The following CDKAL1 variants were observed in gnomAD, a reference collection of about 807,000 sequenced individuals.
CDKAL1 encodes the protein CDKAL1 threonylcarbamoyladenosine tRNA methylthiotransferase.
CDKAL1 carries 32 observed loss-of-function variants against 68.2 expected under a neutral mutation model. The observed-to-expected ratio is 0.47, with a 90% confidence interval of 0.35 to 0.63. The LOEUF is 0.63. CDKAL1 is among the 30% of genes least tolerant of loss of function. CDKAL1 has a pLI of 0.00. For missense variants in CDKAL1, 606 were observed against 696.7 expected (o/e 0.87, Z 1.47); for synonymous variants, 234 against 244.3 (o/e 0.96, Z 0.39).
rs570860610 is a variant in CDKAL1, at chr6:20,668,436, A to G, written c.371+19059A>G. ...AGCCTTGAAATCCTGGGCTAAAGCC[A>G]TCTTTCTGCCTCAGCCTCCTGAGTA... On this transcript the variant is annotated intron_variant, in intron 5 of 15. Coordinates refer to ENST00000274695, the MANE Select transcript of CDKAL1 (RefSeq NM_017774.3). Among the ~76,000 whole-genome samples the G allele has an allele frequency of 3.3e-5, 5 of 152,302 alleles. No homozygotes were observed. The East Asian group carries it at 9.7e-4, about 29-fold the overall frequency.
chr6:20,798,596 A>G (rs188695494), intron 8 of CDKAL1, among the ~76,000 whole-genome samples: 57 of 152,286 alleles, frequency 3.7e-4, no homozygotes, highest in African/African-American at 1.3e-3. Flanking sequence ...AAAAATGATG[A>G]GTTCACATCC....
chr6:20,734,126 G>T (rs1773078438), intron 5 of CDKAL1, among the ~76,000 whole-genome samples: 1 of 149,102 alleles, frequency 6.7e-6, no homozygotes, highest in African/African-American at 2.5e-5. Context: ...TCCAACCTGG[G>T]CATCAGAGCG....
rs1452623392 is a variant in CDKAL1 at position 21,178,938 on chromosome 6, C to T, written c.1300-19083C>T. On this transcript the variant is annotated intron_variant, in intron 13 of 15. Coordinates refer to ENST00000274695, the MANE Select transcript of CDKAL1 (RefSeq NM_017774.3). ...TACACAGCTTAGGAAATAATTACAG[C>T]CTGCCACAATTTTTCTTAATTTTTA... Among the ~76,000 whole-genome samples, 3 of 152,214 alleles carry T rather than the reference C, an allele frequency of 2.0e-5. No homozygotes were observed. In the East Asian group the frequency reaches 5.8e-4, roughly 29 times the overall value.
At chr6:20,608,353 TCTA>T (rs1766426599) in intron 4 of CDKAL1, among the ~76,000 whole-genome samples, 1 of 152,216 alleles carries the variant, frequency 6.6e-6, no homozygotes. Context: ...AAATTGAAAA[TCTA>T]CTACTTTTTA....
At chr6:21,190,134 A>G (rs982695983) in intron 13 of CDKAL1, among the ~76,000 whole-genome samples, 3 of 148,612 alleles carry the variant, frequency 2.0e-5, no homozygotes, top group Non-Finnish European at 3.0e-5. Flanking sequence ...TTAGGGGGGA[A>G]AAAAAAAAAC....
intron 8 of CDKAL1, among the ~76,000 whole-genome samples, chr6:20,795,631 TCAC>T (rs1175488744): frequency 6.6e-6 from 1 of 152,204 alleles, no homozygotes; most frequent in Non-Finnish European, 1.5e-5. Flanking sequence ...TTCTTTTACT[TCAC>T]ATTTTCTTAG....
chr6:20,998,769 G>A (rs73379540), intron 10 of CDKAL1, among the ~76,000 whole-genome samples: 5,156 of 152,224 alleles, frequency 0.034, 262 homozygotes, highest in African/African-American at 0.11. Flanking sequence ...GGTTAATAAG[G>A]TATATACCTA....
Position 20,561,446 on chromosome 6 carries a change from G to GAAAAAAAAAAAAAAAAAA in CDKAL1, c.286+12749_286+12766dup, listed in dbSNP as rs55750789. ...GACAGAGCAAGACCATCTCAAAAAAGAAAAAAAAAAAAAAAAAAAAAAAAA... is the reference window on the plus strand; with the variant it reads ...GACAGAGCAAGACCATCTCAAAAAAGAAAAAAAAAAAAAAAAAAAAAAAAAAAAAAAAAAAAAAAAAAA... On this transcript the variant is annotated intron_variant, in intron 4 of 15. Coordinates refer to ENST00000274695, the MANE Select transcript of CDKAL1 (RefSeq NM_017774.3). 1.6e-4 allele frequency among the ~76,000 whole-genome samples: 13 copies of GAAAAAAAAAAAAAAAAAA among 79,650 alleles called. 2 individuals carry two copies. The highest frequency in any genetic ancestry group is 1.6e-4 in the Non-Finnish European group (7 of 43,232). The allele number at this position is 79,650 out of a possible 152,430, so 52.3% of individuals were successfully genotyped here.
In CDKAL1 at chr6:20,976,325, A is replaced by G. The variant is rs1161265376; in HGVS notation, c.909+20740A>G. ...TTAAAATGTATTCTTTGTTAAGTGA[A>G]GTGATGTTTACAAAGGGGGTAAATA... On this transcript the variant is annotated intron_variant, in intron 10 of 15. Transcript: ENST00000274695. 2.6e-5 allele frequency among the ~76,000 whole-genome samples: 4 copies of G among 152,134 alleles called. No individual in the cohort carries two copies. The South Asian group carries it at 6.2e-4, about 24-fold the overall frequency.
At chr6:20,859,235 T>C (rs573924237) in intron 9 of CDKAL1, among the ~76,000 whole-genome samples, 1 of 151,914 alleles carries the variant, frequency 6.6e-6, no homozygotes, top group Non-Finnish European at 1.5e-5. Context: ...ATAAATGGTG[T>C]TCGCTGCACT....
chr6:21,147,144 C>T (rs967659035), intron 13 of CDKAL1, among the ~76,000 whole-genome samples: 1 of 152,134 alleles, frequency 6.6e-6, no homozygotes, highest in African/African-American at 2.4e-5. Flanking sequence ...GTGCAAGCAT[C>T]ACCAAGTCCA....
chr6:21,082,336 T>C (rs1161418302), intron 12 of CDKAL1, among the ~76,000 whole-genome samples: 2 of 152,252 alleles, frequency 1.3e-5, no homozygotes, highest in African/African-American at 2.4e-5. Context: ...AAACATAGTC[T>C]ATGCTTTTCA....
chr6:20,813,339 T>A (rs1266256834), intron 8 of CDKAL1, among the ~76,000 whole-genome samples: 1 of 152,216 alleles, frequency 6.6e-6, no homozygotes, highest in Non-Finnish European at 1.5e-5. Context: ...GGATTTCTTT[T>A]ATATGCTAGA....
chr6:21,139,555 G>C (rs1775797703), intron 13 of CDKAL1, among the ~76,000 whole-genome samples: 1 of 152,030 alleles, frequency 6.6e-6, no homozygotes. Context: ...CTGTCTCTCA[G>C]GCTGGAGTGC....
At chr6:21,069,774 CTTTTT>C (rs60241965) in intron 12 of CDKAL1, among the ~76,000 whole-genome samples, 17 of 69,920 alleles carry the variant, frequency 2.4e-4, no homozygotes, top group African/African-American at 8.8e-4. Context: ...GATTTTCTTT[CTTTTT>C]TTTTTTTTTT....
At position 21,020,431 on chromosome 6, in the gene CDKAL1, G is replaced by A. The variant is rs1159414167; in HGVS notation, c.1055+20059G>A. ...CTCTGTTAGAGTTCACAGGTTCACA[G>A]GTACTATTACGTACTTCTGTCTTTT... is the stretch of plus-strand genomic sequence containing the variant. On this transcript the variant is annotated intron_variant, in intron 11 of 15. Coordinates refer to ENST00000274695, the MANE Select transcript of CDKAL1 (RefSeq NM_017774.3). Among the ~76,000 whole-genome samples, 3 of 151,984 alleles carry A rather than the reference G, an allele frequency of 2.0e-5. 1 individual carries two copies. The highest frequency in any genetic ancestry group is 7.2e-5 in the African/African-American group (3 of 41,392).
rs559756502 is a variant in CDKAL1 at position 20,612,654 on chromosome 6, G to A, written c.287-36639G>A. Among the ~76,000 whole-genome samples, 63 of 152,020 alleles carry A rather than the reference G, an allele frequency of 4.1e-4. 1 individual carries two copies. The highest frequency in any genetic ancestry group is 1.5e-3 in the African/African-American group (62 of 41,458). On this transcript the variant is annotated intron_variant, in intron 4 of 15. Coordinates refer to ENST00000274695, the MANE Select transcript of CDKAL1 (RefSeq NM_017774.3). ...TTCCGCTTATTAATTCTTTGTCAGA[G>A]GAATAGCTTGCTAATATTTTCTTCC...
intron 10 of CDKAL1, among the ~76,000 whole-genome samples, chr6:20,974,605 T>C (rs987815012): frequency 9.2e-5 from 14 of 152,210 alleles, no homozygotes; most frequent in Non-Finnish European, 1.9e-4. Context: ...GTAAGGTTTC[T>C]ATTTTTCTGG....
intron 8 of CDKAL1, among the ~76,000 whole-genome samples, chr6:20,822,798 C>G (rs1406559510): frequency 6.6e-6 from 1 of 152,168 alleles, no homozygotes; most frequent in Non-Finnish European, 1.5e-5. Flanking sequence ...TTTCCCTTCA[C>G]CTTCCACCAT....
Sources: allele counts gnomAD v4.1 joint callset (sites outside exome capture counted in the v4.1 genomes callset), GRCh38; gene constraint gnomAD v4.1.1; transcripts MANE v1.5; gene names NCBI Gene and HGNC (gene_info 2026-07-23, HGNC 2026-07-21).